The following CNTNAP4 variants were observed in gnomAD, a reference collection of about 807,000 sequenced individuals.
The protein encoded by CNTNAP4 is contactin-associated protein-like 4.
CNTNAP4 carries 98 observed loss-of-function variants against 148.4 expected under a neutral mutation model. That is an observed-to-expected ratio of 0.66 (90% CI 0.56 to 0.78). The LOEUF is 0.78. Among genes scored for constraint, CNTNAP4 ranks in the 30% least tolerant of loss-of-function variants. The pLI, the probability that CNTNAP4 is intolerant of heterozygous loss-of-function variation, is 0.00. For missense variants in CNTNAP4, 1,935 were observed against 1,565.6 expected, an observed-to-expected ratio of 1.24 and a Z score of -3.98; for synonymous variants, 730 against 565.1, an observed-to-expected ratio of 1.29 and a Z score of -4.14.
intron 2 of CNTNAP4, among the ~76,000 whole-genome samples, chr16:76,346,765 A>C (rs1187532147): frequency 6.6e-6 from 1 of 152,212 alleles, no homozygotes; most frequent in African/African-American, 2.4e-5. Flanking sequence ...CTAGTCTTCC[A>C]GGGGAAACTT....
At chr16:76,485,818 A>G (rs1004988833) in intron 12 of CNTNAP4, among the ~76,000 whole-genome samples, 1 of 152,188 alleles carries the variant, frequency 6.6e-6, no homozygotes, top group Non-Finnish European at 1.5e-5. Context: ...GGGTTAATAC[A>G]TAACTGTCCA....
rs915807484 is a variant in CNTNAP4, at chr16:76,434,913, C to T, written c.538+7314C>T. 1.6e-4 allele frequency among the ~76,000 whole-genome samples: 24 copies of T among 152,192 alleles called. 1 individual carries two copies. Among genetic ancestry groups the T allele is most frequent in the African/African-American group, 5.8e-4 (24 of 41,552 alleles). On this transcript the variant is annotated intron_variant, in intron 4 of 23. Transcript: ENST00000611870. Reference sequence around the variant, plus strand: ...CATTAATCACCTGACCTCCATAAGCCCCTACTTTAACTGGAGCACCACAAT... The same window carrying T: ...CATTAATCACCTGACCTCCATAAGCTCCTACTTTAACTGGAGCACCACAAT...
chr16:76,385,560 G>GTT (rs932687910), intron 3 of CNTNAP4, among the ~76,000 whole-genome samples: 1 of 151,730 alleles, frequency 6.6e-6, no homozygotes, highest in African/African-American at 2.4e-5. Context: ...GTGTGTGTGT[G>GTT]TGTGTGTGTG....
At chr16:76,512,212 T>A (rs960056316) in intron 15 of CNTNAP4, among the ~76,000 whole-genome samples, 7 of 152,042 alleles carry the variant, frequency 4.6e-5, no homozygotes, top group Non-Finnish European at 8.8e-5. Context: ...ATTTTGAAAA[T>A]CCATTTTCAA....
chr16:76,418,748 T>C (rs2079076745), intron 3 of CNTNAP4, among the ~76,000 whole-genome samples: 1 of 151,846 alleles, frequency 6.6e-6, no homozygotes, highest in Non-Finnish European at 1.5e-5. Flanking sequence ...TTTCTTACTT[T>C]TTGCCATTCC....
At chr16:76,532,092 A>G (rs773683586) in intron 17 of CNTNAP4, among the ~76,000 whole-genome samples, 1 of 152,210 alleles carries the variant, frequency 6.6e-6, no homozygotes, top group Non-Finnish European at 1.5e-5. Context: ...ATTTATTACT[A>G]GAGCTTTTTG....
rs1474124635 is a variant in CNTNAP4, at chr16:76,494,910, A to T, written c.2081A>T (p.Asp694Val). 5.0e-6 allele frequency: 8 copies of T among 1,612,440 alleles called. No individual in the cohort carries two copies. Among genetic ancestry groups the T allele is most frequent in the Non-Finnish European group, 6.8e-6 (8 of 1,178,928 alleles). The change falls in exon 14 of 24, where the codon GAT becomes GTT. Residue 694 changes from aspartate (D) to valine (V), a missense_variant and splice_region_variant. Physicochemically the swap from Asp to Val is radical, Grantham distance 152. Coordinates refer to ENST00000611870, the MANE Select transcript of CNTNAP4 (RefSeq NM_033401.5). ...CACATTTTTCACGTTTTTCTTTCAG[A>T]TGGAACCCCTCTGAGTTGGTGGGTA... ...CKKSRLVNKQ[D>V]GTPLSWWVGR...
rs57003243 is a variant in CNTNAP4, at chr16:76,286,174, A to AGTGTGTGTGT, written c.85+8463_85+8472dup. Among the ~76,000 whole-genome samples, 993 of 134,956 alleles carry AGTGTGTGTGT rather than the reference A, an allele frequency of 7.4e-3. 10 individuals are homozygous for AGTGTGTGTGT. The highest frequency in any genetic ancestry group is 0.023 in the Middle Eastern group (6 of 256). The allele number at this position is 134,956 out of a possible 152,430, so 88.5% of individuals were successfully genotyped here. On this transcript the variant is annotated intron_variant, in intron 1 of 23. Coordinates refer to ENST00000611870, the MANE Select transcript of CNTNAP4 (RefSeq NM_033401.5). ...AATGAGTTGCTGAGATAGAATTATC[A>AGTGTGTGTGT]GTGTGTGTGTGTGTGTGTGTGTGTG...
In CNTNAP4 at chr16:76,277,696, C is replaced by T; in HGVS notation, c.34C>T (p.Leu12=). 6.2e-7 allele frequency: 1 copy of T among 1,606,082 alleles called. No individual in the cohort carries two copies. The highest frequency in any genetic ancestry group is 8.5e-7 in the Non-Finnish European group (1 of 1,175,962). Residue 12 remains leucine, a synonymous_variant, in exon 1 of 24, where the codon CTA becomes TTA. Coordinates refer to ENST00000611870, the MANE Select transcript of CNTNAP4 (RefSeq NM_033401.5). ...GSVTGAVLKT[L]LLLSTQNWNR... is the part of the protein sequence containing the mutation. ...TGTCACGGGAGCTGTCCTCAAGACGCTACTTCTGTTATCTACTCAAAATTG... is the reference window on the plus strand; with the variant it reads ...TGTCACGGGAGCTGTCCTCAAGACGTTACTTCTGTTATCTACTCAAAATTG...
rs115228754 is a variant in CNTNAP4 at position 76,379,844 on chromosome 16, T to C, written c.390+24333T>C. Among the ~76,000 whole-genome samples, 216 of 152,350 alleles carry C rather than the reference T, an allele frequency of 1.4e-3. 1 individual carries two copies. The highest frequency in any genetic ancestry group is 4.9e-3 in the African/African-American group (202 of 41,584). On this transcript the variant is annotated intron_variant, in intron 3 of 23. Coordinates refer to ENST00000611870, the MANE Select transcript of CNTNAP4 (RefSeq NM_033401.5). ...TCCGTAATATTCTTGCTTCCTGTTC[T>C]GTTCCTGGGTTAATGATATGTGAAG...
In CNTNAP4 at chr16:76,299,348, A is replaced by G. The variant is rs377285304; in HGVS notation, c.86-17065A>G. Among the ~76,000 whole-genome samples, 19 of 152,356 alleles carry G rather than the reference A, an allele frequency of 1.2e-4. No homozygotes were observed. The South Asian group carries it at 3.9e-3, about 32-fold the overall frequency. On this transcript the variant is annotated intron_variant, in intron 1 of 23. Coordinates refer to ENST00000611870, the MANE Select transcript of CNTNAP4 (RefSeq NM_033401.5). The stretch of plus-strand genomic sequence containing the variant: ...AAATGGGCGAAGGATATGAATAGAC[A>G]CTTCACAAAAGAAGACATTTATGCA...
At position 76,519,292 on chromosome 16, in the gene CNTNAP4, A is replaced by C. The variant is rs139512008; in HGVS notation, c.2366-1848A>C. Among the ~76,000 whole-genome samples, 29 of 152,270 alleles carry C rather than the reference A, an allele frequency of 1.9e-4. No homozygotes were observed. The East Asian group carries it at 5.4e-3, about 28-fold the overall frequency. ...ATGCCTAAAGTAATAAATTGGTTTC[A>C]TTGCTTTAAAGACATTCATGTACAG... On this transcript the variant is annotated intron_variant, in intron 15 of 23. Coordinates refer to ENST00000611870, the MANE Select transcript of CNTNAP4 (RefSeq NM_033401.5).
At chr16:76,338,990 G>A (rs192382950) in intron 2 of CNTNAP4, among the ~76,000 whole-genome samples, 77 of 152,182 alleles carry the variant, frequency 5.1e-4, no homozygotes, top group African/African-American at 1.8e-3. Context: ...TCACATTTTG[G>A]TTTGGCTTCT....
chr16:76,297,268 A>G (rs766744357), intron 1 of CNTNAP4, among the ~76,000 whole-genome samples: 5 of 152,170 alleles, frequency 3.3e-5, no homozygotes, highest in Non-Finnish European at 7.4e-5. Context: ...TTTGCTTGAA[A>G]CCAATACACA....
At chr16:76,428,270 C>CACTTTT (rs1189579501) in intron 4 of CNTNAP4, among the ~76,000 whole-genome samples, 1 of 152,084 alleles carries the variant, frequency 6.6e-6, no homozygotes, top group Non-Finnish European at 1.5e-5. Flanking sequence ...CTGTTAGATA[C>CACTTTT]ACTTTTATTA....
At chr16:76,309,891 C>T in intron 1 of CNTNAP4, 2 of 701,826 alleles carry the variant, frequency 2.8e-6, no homozygotes, top group African/African-American at 1.7e-5. Flanking sequence ...TGAGGCCTTC[C>T]CAGCTATGTG....
intron 2 of CNTNAP4, among the ~76,000 whole-genome samples, chr16:76,332,542 T>C (rs1002208618): frequency 6.6e-5 from 10 of 152,112 alleles, no homozygotes; most frequent in Admixed American, 3.9e-4. Context: ...ATTATTATTT[T>C]TTTTTATAAT....
At chr16:76,495,504 TC>T (rs2082372612) in intron 14 of CNTNAP4, among the ~76,000 whole-genome samples, 1 of 152,006 alleles carries the variant, frequency 6.6e-6, no homozygotes, top group Admixed American at 6.5e-5. Flanking sequence ...AAAAGACAAA[TC>T]ATACCACAAA....
chr16:76,360,807 A>G (rs963546965), intron 3 of CNTNAP4, among the ~76,000 whole-genome samples: 5 of 147,112 alleles, frequency 3.4e-5, no homozygotes, highest in Non-Finnish European at 5.9e-5. Flanking sequence ...TGGTTAAAAC[A>G]TGGCTGCATT....
Sources: gnomAD v4.1 joint callset for allele counts (sites outside exome capture counted in the v4.1 genomes callset) on GRCh38, gnomAD v4.1.1 for gene constraint, MANE v1.5 for transcripts, NCBI Gene and HGNC (gene_info 2026-07-23, HGNC 2026-07-21) for gene names.